TENM2: variants seen among roughly 807,000 people sequenced by gnomAD.
The protein encoded by TENM2 is teneurin-2.
Under a neutral mutation model 245.2 loss-of-function variants are expected in TENM2, and 52 were observed. The ratio of observed to expected loss-of-function variants is 0.21; its 90% CI spans 0.17 to 0.27. The LOEUF is 0.27. Ranked by LOEUF, TENM2 falls within the 10% of genes least tolerant of loss-of-function variation. The pLI, the probability that TENM2 is intolerant of heterozygous loss-of-function variation, is 1.00. For synonymous variants in TENM2, 1,363 were observed against 1,438.9 expected (o/e 0.95, Z 1.19); for missense variants, 3,046 against 3,666.8 (o/e 0.83, Z 4.37).
intron 2 of TENM2, among the ~76,000 whole-genome samples, chr5:167,509,100 G>T (rs762492907): frequency 1.3e-5 from 2 of 152,196 alleles, no homozygotes; most frequent in Non-Finnish European, 2.9e-5. Context: ...TTGTAGGTGT[G>T]AGCCACCCCA....
At chr5:167,673,381 A>G (rs1308228546) in intron 2 of TENM2, among the ~76,000 whole-genome samples, 1 of 152,098 alleles carries the variant, frequency 6.6e-6, no homozygotes, top group Admixed American at 6.6e-5. Flanking sequence ...CTATGCCAAA[A>G]TAAGTTTGCT....
chr5:167,236,392 G>T, the TENM2 span, among the ~76,000 whole-genome samples: 1 of 151,988 alleles, frequency 6.6e-6, no homozygotes, highest in African/African-American at 2.4e-5. Flanking sequence ...AATGCAGCCA[G>T]CTTGAAGTAA....
At chr5:167,127,676 A>G in the TENM2 span, among the ~76,000 whole-genome samples, 6 of 150,428 alleles carry the variant, frequency 4.0e-5, 1 homozygote, top group South Asian at 1.3e-3. Flanking sequence ...ATGAATAATT[A>G]CTTTAATGAG....
chr5:168,014,487 G>A (rs1246253349), intron 5 of TENM2, among the ~76,000 whole-genome samples: 1 of 152,012 alleles, frequency 6.6e-6, no homozygotes, highest in Non-Finnish European at 1.5e-5. Flanking sequence ...GGTATAATAG[G>A]TTTCCTGCTC....
chr5:167,598,953 G>A (rs1409282104), intron 2 of TENM2, among the ~76,000 whole-genome samples: 1 of 152,052 alleles, frequency 6.6e-6, no homozygotes, highest in Non-Finnish European at 1.5e-5. Context: ...CGCTCTCCTA[G>A]CAAAGCCTCA....
intron 2 of TENM2, among the ~76,000 whole-genome samples, chr5:167,511,652 T>G (rs1397553710): frequency 6.6e-6 from 1 of 152,190 alleles, no homozygotes; most frequent in Non-Finnish European, 1.5e-5. Context: ...GATTACAAGC[T>G]CCAGTCAATG....
intron 4 of TENM2, among the ~76,000 whole-genome samples, chr5:167,974,037 A>AAGGGAAGGAAGG (rs749674919): frequency 4.0e-5 from 1 of 25,060 alleles, no homozygotes. Flanking sequence ...GGAAGGAAGG[A>AAGGGAAGGAAGG]GAAGGAAGGA....
intron 12 of TENM2, among the ~76,000 whole-genome samples, chr5:168,150,362 G>A (rs1260719185): frequency 1.3e-5 from 2 of 152,190 alleles, no homozygotes; most frequent in South Asian, 2.1e-4. Flanking sequence ...CCCCTGATTC[G>A]CACACACTGA....
At chr5:167,004,453 T>C in the TENM2 span, among the ~76,000 whole-genome samples, 3 of 152,224 alleles carry the variant, frequency 2.0e-5, no homozygotes, top group Non-Finnish European at 4.4e-5. Context: ...TAAAAGTTAT[T>C]TATTTTGTGG....
intron 3 of TENM2, among the ~76,000 whole-genome samples, chr5:167,890,396 A>T (rs994697651): frequency 6.6e-6 from 1 of 152,112 alleles, no homozygotes; most frequent in East Asian, 1.9e-4. Flanking sequence ...ATCATCACTT[A>T]TGTTTGTGTA....
intron 2 of TENM2, among the ~76,000 whole-genome samples, chr5:167,459,293 G>T (rs1766133655): frequency 6.6e-6 from 1 of 152,142 alleles, no homozygotes; most frequent in Admixed American, 6.5e-5. Context: ...TGTTCTCAAG[G>T]TTCATCTGGG....
intron 2 of TENM2, among the ~76,000 whole-genome samples, chr5:167,438,015 CA>C (rs1173559441): frequency 6.6e-6 from 1 of 152,162 alleles, no homozygotes; most frequent in Non-Finnish European, 1.5e-5. Flanking sequence ...CAGTGTCTCC[CA>C]AAATATAATT....
chr5:167,697,951 A>G (rs1757877160), intron 2 of TENM2, among the ~76,000 whole-genome samples: 1 of 152,246 alleles, frequency 6.6e-6, no homozygotes, highest in Non-Finnish European at 1.5e-5. Context: ...AACTTGAAAT[A>G]TAATCGCCTG....
chr5:167,176,294 C>T, the TENM2 span, among the ~76,000 whole-genome samples: 1 of 152,164 alleles, frequency 6.6e-6, no homozygotes, highest in East Asian at 1.9e-4. Flanking sequence ...TTTTACCCAA[C>T]TTGTGCTTCA....
At chr5:167,047,947 C>T in the TENM2 span, among the ~76,000 whole-genome samples, 1 of 108,048 alleles carries the variant, frequency 9.3e-6, no homozygotes, top group East Asian at 2.5e-4. Flanking sequence ...AAGAAAGGCC[C>T]TATAGCAAAA....
chr5:167,016,290 A>AC, the TENM2 span, among the ~76,000 whole-genome samples: 4 of 151,420 alleles, frequency 2.6e-5, no homozygotes, highest in African/African-American at 9.7e-5. Context: ...ACAAAAAAAA[A>AC]AAAAAAAAAG....
intron 1 of TENM2, among the ~76,000 whole-genome samples, chr5:167,312,027 T>C (rs1756062661): frequency 6.6e-6 from 1 of 152,228 alleles, no homozygotes; most frequent in Non-Finnish European, 1.5e-5. Flanking sequence ...AATAGCATCA[T>C]GAGGACTACA....
At position 167,934,593 on chromosome 5, in the gene TENM2, A is replaced by G. The variant is rs188388749; in HGVS notation, c.713-17995A>G. ...AACACGATGAAAGCTGCTTCAGAGG[A>G]AGAAATTGGAACGAGGGAGTTTGGC... On this transcript the variant is annotated intron_variant, in intron 3 of 28. Coordinates refer to ENST00000518659, the Ensembl canonical transcript of TENM2. 3.3e-3 allele frequency among the ~76,000 whole-genome samples: 510 copies of G among 152,304 alleles called. 2 individuals are homozygous for G. Among genetic ancestry groups the G allele is most frequent in the African/African-American group, 0.012 (484 of 41,560 alleles).
At chr5:167,042,551 A>T in the TENM2 span, among the ~76,000 whole-genome samples, 1 of 152,364 alleles carries the variant, frequency 6.6e-6, no homozygotes, top group South Asian at 2.1e-4. Context: ...AGAACCACGA[A>T]TTATAATATG....
Sources: gnomAD v4.1 joint callset for allele counts (sites outside exome capture counted in the v4.1 genomes callset) on GRCh38, gnomAD v4.1.1 for gene constraint, MANE v1.5 for transcripts, NCBI Gene and HGNC (gene_info 2026-07-23, HGNC 2026-07-21) for gene names.